NRG3: variants seen among roughly 807,000 people sequenced by gnomAD.
The protein encoded by NRG3 is pro-neuregulin-3, membrane-bound isoform.
In NRG3, 31 loss-of-function variants were observed where a neutral mutation model predicts 66.9. The observed-to-expected ratio is 0.46, with a 90% CI of 0.35 to 0.63. NRG3 has a LOEUF of 0.63. Among genes scored for constraint, NRG3 ranks in the 20% least tolerant of loss-of-function variants. NRG3 has a pLI of 0.00. For missense variants in NRG3, 910 were observed against 878.9 expected (o/e 1.04, Z -0.45); for synonymous variants, 393 against 359.4 (o/e 1.09, Z -1.06).
intron 1 of NRG3, among the ~76,000 whole-genome samples, chr10:82,299,710 C>T (rs2080285188): frequency 6.6e-6 from 1 of 152,046 alleles, no homozygotes; most frequent in South Asian, 2.1e-4. Context: ...GAGGCAAGAC[C>T]TCAAATATTC....
chr10:81,987,377 G>C (rs1410698872), intron 1 of NRG3, among the ~76,000 whole-genome samples: 1 of 152,182 alleles, frequency 6.6e-6, no homozygotes, highest in Non-Finnish European at 1.5e-5. Context: ...GAGCCACCAT[G>C]CCTGGCCTAT....
At chr10:82,540,302 C>T (rs1178871287) in intron 2 of NRG3, among the ~76,000 whole-genome samples, 1 of 151,874 alleles carries the variant, frequency 6.6e-6, no homozygotes, top group African/African-American at 2.4e-5. Context: ...GTCTGCCTTC[C>T]AGTGTTGTGC....
At chr10:82,150,438 A>G (rs905151129) in intron 1 of NRG3, among the ~76,000 whole-genome samples, 1 of 145,368 alleles carries the variant, frequency 6.9e-6, no homozygotes, top group East Asian at 2.1e-4. Context: ...CCCCACCTCC[A>G]GTCTTGACTA....
At chr10:82,648,400 T>G (rs935640296) in intron 2 of NRG3, among the ~76,000 whole-genome samples, 1 of 152,136 alleles carries the variant, frequency 6.6e-6, no homozygotes, top group Admixed American at 6.5e-5. Context: ...CTGTTTTGGT[T>G]ACTGTAGCCT....
At chr10:82,084,120 C>T (rs2065572381) in intron 1 of NRG3, among the ~76,000 whole-genome samples, 1 of 151,826 alleles carries the variant, frequency 6.6e-6, no homozygotes, top group South Asian at 2.1e-4. Context: ...CCCAGCTACT[C>T]AGGAGGCTGA....
At chr10:81,936,779 CA>C (rs1382626349) in intron 1 of NRG3, among the ~76,000 whole-genome samples, 4 of 151,972 alleles carry the variant, frequency 2.6e-5, no homozygotes, top group African/African-American at 4.8e-5. Flanking sequence ...CTGTTCTAGG[CA>C]GCATGAGGGT....
chr10:82,866,856 A>C (rs1421974308), intron 4 of NRG3, among the ~76,000 whole-genome samples: 1 of 152,162 alleles, frequency 6.6e-6, no homozygotes, highest in African/African-American at 2.4e-5. Flanking sequence ...AAATAACCAA[A>C]CTGAGGTTGA....
chr10:82,408,240 C>A (rs955246366), intron 2 of NRG3, among the ~76,000 whole-genome samples: 1 of 152,152 alleles, frequency 6.6e-6, no homozygotes, highest in East Asian at 1.9e-4. Flanking sequence ...TTAAAGTGGT[C>A]AGAGAAGGCC....
At chr10:82,211,623 G>A (rs2075397975) in intron 1 of NRG3, among the ~76,000 whole-genome samples, 1 of 152,144 alleles carries the variant, frequency 6.6e-6, no homozygotes, top group African/African-American at 2.4e-5. Flanking sequence ...GCAAAGATGA[G>A]GATTTTCCTG....
At chr10:82,764,109 A>T (rs541572812) in intron 3 of NRG3, among the ~76,000 whole-genome samples, 5 of 152,170 alleles carry the variant, frequency 3.3e-5, no homozygotes, top group African/African-American at 1.2e-4. Flanking sequence ...GTCTTGGCTC[A>T]CTGCAACTTC....
chr10:82,199,027 G>C (rs1163284783), intron 1 of NRG3, among the ~76,000 whole-genome samples: 1 of 149,898 alleles, frequency 6.7e-6, no homozygotes. Context: ...AAATTTTCTG[G>C]GCGTGGTTGC....
At chr10:82,603,579 C>T (rs2047768321) in intron 2 of NRG3, among the ~76,000 whole-genome samples, 1 of 152,022 alleles carries the variant, frequency 6.6e-6, no homozygotes, top group Non-Finnish European at 1.5e-5. Flanking sequence ...TACTTATGAC[C>T]ACCCACAGTT....
intron 3 of NRG3, among the ~76,000 whole-genome samples, chr10:82,857,059 C>T (rs182635476): frequency 6.6e-6 from 1 of 152,198 alleles, no homozygotes; most frequent in Non-Finnish European, 1.5e-5. Context: ...GATGTTTGCA[C>T]TGCAAAATTC....
chr10:82,110,619 G>A (rs1227407244), intron 1 of NRG3, among the ~76,000 whole-genome samples: 1 of 151,998 alleles, frequency 6.6e-6, no homozygotes, highest in Non-Finnish European at 1.5e-5. Context: ...TTTTTAATAA[G>A]TGAGATTTTG....
At chr10:82,338,803 A>G (rs915479586) in intron 1 of NRG3, among the ~76,000 whole-genome samples, 1 of 152,158 alleles carries the variant, frequency 6.6e-6, no homozygotes, top group Non-Finnish European at 1.5e-5. Context: ...TATTCACCTT[A>G]TTCATGTTCA....
chr10:82,373,169 G>T (rs2085000333), intron 2 of NRG3, among the ~76,000 whole-genome samples: 1 of 152,154 alleles, frequency 6.6e-6, no homozygotes, highest in African/African-American at 2.4e-5. Flanking sequence ...TTACCATATT[G>T]GCACATATAG....
intron 3 of NRG3, among the ~76,000 whole-genome samples, chr10:82,793,419 G>A (rs564033600): frequency 6.6e-6 from 1 of 152,230 alleles, no homozygotes; most frequent in Non-Finnish European, 1.5e-5. Flanking sequence ...CAGTCAGGAA[G>A]CATCTTATTG....
chr10:82,035,973 A>G (rs988324032), intron 1 of NRG3, among the ~76,000 whole-genome samples: 2 of 152,132 alleles, frequency 1.3e-5, no homozygotes, highest in Non-Finnish European at 2.9e-5. Flanking sequence ...CAGTGAAGCA[A>G]TAATCTGCAT....
chr10:82,429,825 T>G (rs2089681649), intron 2 of NRG3, among the ~76,000 whole-genome samples: 3 of 152,180 alleles, frequency 2.0e-5, no homozygotes, highest in Admixed American at 1.3e-4. Flanking sequence ...TTGTTTTTCT[T>G]TCTATTCTCA....
Sources: gnomAD v4.1 joint callset for allele counts (sites outside exome capture counted in the v4.1 genomes callset) on GRCh38, gnomAD v4.1.1 for gene constraint, MANE v1.5 for transcripts, NCBI Gene and HGNC (gene_info 2026-07-23, HGNC 2026-07-21) for gene names.